DIAPH2: variants seen among roughly 807,000 people sequenced by gnomAD.
The protein encoded by DIAPH2 is protein diaphanous homolog 2.
In DIAPH2, 35 loss-of-function variants were observed where a neutral mutation model predicts 92.7. The observed-to-expected ratio is 0.38, with a 90% CI of 0.29 to 0.50. DIAPH2 has a LOEUF of 0.50. Ranked by LOEUF, DIAPH2 falls within the 20% of genes least tolerant of loss-of-function variation. DIAPH2 has a pLI of 0.94. For synonymous variants in DIAPH2, 301 were observed against 280.4 expected (o/e 1.07, Z -0.73); for missense variants, 701 against 819.5 (o/e 0.86, Z 1.77).
intron 21 of DIAPH2, among the ~76,000 whole-genome samples, chrX:97,135,052 A>G (rs1448429572): frequency 1.8e-5 from 2 of 112,061 alleles, no homozygotes; most frequent in East Asian, 5.6e-4. Flanking sequence ...TAAAATTGAT[A>G]TAGTCCTCAT....
chrX:96,845,036 A>G (rs1279412237), intron 4 of DIAPH2, among the ~76,000 whole-genome samples: 1 of 112,213 alleles, frequency 8.9e-6, no homozygotes, highest in Non-Finnish European at 1.9e-5. Flanking sequence ...GGTCTCACTT[A>G]TCCTGGAGGC....
In DIAPH2 at chrX:96,816,538, A is replaced by G. The variant is rs199912175; in HGVS notation, c.447+58280A>G. Among the ~76,000 whole-genome samples the G allele has an allele frequency of 2.7e-5, 3 of 112,555 alleles. No individual in the cohort carries two copies. The East Asian group carries it at 8.4e-4, about 31-fold the overall frequency. Reference sequence around the variant, plus strand: ...TTACAATGAGGTATCATCTCACCCAAGTTAAAATGGCTTTTGTCTAAAAGA... The same window carrying G: ...TTACAATGAGGTATCATCTCACCCAGGTTAAAATGGCTTTTGTCTAAAAGA... On this transcript the variant is annotated intron_variant, in intron 4 of 26. Transcript: ENST00000324765.
chrX:96,977,098 T>C (rs1329448387), intron 17 of DIAPH2, among the ~76,000 whole-genome samples: 1 of 111,796 alleles, frequency 8.9e-6, no homozygotes, highest in African/African-American at 3.2e-5. Context: ...CTTAGTAATT[T>C]GTGCATTTTG....
chrX:97,216,471 ATT>A (rs759156988), intron 22 of DIAPH2, among the ~76,000 whole-genome samples: 4 of 96,925 alleles, frequency 4.1e-5, no homozygotes. Flanking sequence ...TGCCTGGCTA[ATT>A]TTTTTTTTTT....
chrX:97,228,978 G>A (rs1449852735), intron 22 of DIAPH2, among the ~76,000 whole-genome samples: 1 of 111,485 alleles, frequency 9.0e-6, no homozygotes, highest in Non-Finnish European at 1.9e-5. Context: ...TCTATGTATA[G>A]CTGAGTCCAT....
intron 1 of DIAPH2, among the ~76,000 whole-genome samples, chrX:96,707,079 A>G (rs751978874): frequency 9.1e-6 from 1 of 110,052 alleles, no homozygotes; most frequent in Non-Finnish European, 1.9e-5. Context: ...CAGGCAGATC[A>G]CTTGAGGTCA....
In DIAPH2 at chrX:97,185,360, T is replaced by C. The variant is rs1297436295; in HGVS notation, c.2719+43566T>C. On this transcript the variant is annotated intron_variant, in intron 22 of 26. Coordinates refer to ENST00000324765, the MANE Select transcript of DIAPH2 (RefSeq NM_006729.5). ...ATATATGTATATATATATGTGTGTA[T>C]ATATATATGTATATATATATGTATA... Among the ~76,000 whole-genome samples the C allele has an allele frequency of 2.6e-4, 15 of 56,859 alleles. 1 individual carries two copies. Among genetic ancestry groups the C allele is most frequent in the Non-Finnish European group, 4.2e-4 (15 of 36,064 alleles). The allele number at this position is 56,859 out of a possible 115,157, so 49.4% of individuals were successfully genotyped here. A position where few individuals can be genotyped will look rare whatever the true frequency, so the allele number is the denominator to read the frequency against.
intron 23 of DIAPH2, among the ~76,000 whole-genome samples, chrX:97,347,247 C>T (rs1363529967): frequency 9.3e-6 from 1 of 108,087 alleles, no homozygotes; most frequent in Non-Finnish European, 1.9e-5. Context: ...TGTCACCATG[C>T]CTGGCTAATT....
chrX:97,515,129 TG>T (rs2070933140), intron 26 of DIAPH2, among the ~76,000 whole-genome samples: 1 of 112,352 alleles, frequency 8.9e-6, no homozygotes, highest in South Asian at 3.7e-4. Context: ...CCTTGCAGTT[TG>T]ATCTCAGACT....
chrX:97,380,690 A>G (rs2069543698), intron 24 of DIAPH2, among the ~76,000 whole-genome samples: 1 of 101,770 alleles, frequency 9.8e-6, no homozygotes, highest in Admixed American at 1.0e-4. Context: ...CTAAGCATGC[A>G]TTTTCTATCC....
intron 26 of DIAPH2, among the ~76,000 whole-genome samples, chrX:97,471,229 GGTT>G (rs1047235031): frequency 9.0e-6 from 1 of 110,890 alleles, no homozygotes; most frequent in Non-Finnish European, 1.9e-5. Context: ...TAGCAGAGTT[GGTT>G]GTTAAGTCAC....
chrX:96,995,306 T>C (rs2066097565), intron 17 of DIAPH2, among the ~76,000 whole-genome samples: 1 of 111,889 alleles, frequency 8.9e-6, no homozygotes, highest in African/African-American at 3.2e-5. Flanking sequence ...TTTAGGACCA[T>C]TGGAGGTATC....
chrX:97,532,147 C>T (rs1483523084), intron 26 of DIAPH2, among the ~76,000 whole-genome samples: 1 of 112,528 alleles, frequency 8.9e-6, no homozygotes, highest in Non-Finnish European at 1.9e-5. Flanking sequence ...TGATATTTTA[C>T]GACTATTTGG....
intron 22 of DIAPH2, among the ~76,000 whole-genome samples, chrX:97,191,915 A>G (rs1022358479): frequency 9.0e-6 from 1 of 111,135 alleles, no homozygotes; most frequent in African/African-American, 3.3e-5. Flanking sequence ...GAACATTAGC[A>G]TGTTCATGAA....
chrX:97,219,374 G>A (rs1054840641), intron 22 of DIAPH2, among the ~76,000 whole-genome samples: 9 of 111,652 alleles, frequency 8.1e-5, no homozygotes, highest in African/African-American at 2.9e-4. Flanking sequence ...GGGATAATAT[G>A]GGCAAATTAA....
chrX:96,982,824 G>GT (rs1427482581), intron 17 of DIAPH2, among the ~76,000 whole-genome samples: 1 of 112,216 alleles, frequency 8.9e-6, no homozygotes, highest in South Asian at 3.7e-4. Context: ...GTAATATAGT[G>GT]TATAGACATT....
At chrX:96,773,236 T>TCC (rs201670201) in intron 4 of DIAPH2, among the ~76,000 whole-genome samples, 5,082 of 91,171 alleles carry the variant, frequency 0.056, 241 homozygotes, top group East Asian at 0.18. Flanking sequence ...GCTGAATTGT[T>TCC]TCCCCCCCCC....
rs918234330 is a variant in DIAPH2, at chrX:97,289,570, T to C, written c.2844+41731T>C. Among the ~76,000 whole-genome samples, 8 of 111,468 alleles carry C rather than the reference T, an allele frequency of 7.2e-5. No homozygotes were observed. The East Asian group carries it at 2.3e-3, about 31-fold the overall frequency. Reference sequence around the variant, plus strand: ...AATCATCTGGGGAACTTTTAAAAAATACTGATGCCTGGACACCATCCCAGA... The same window carrying C: ...AATCATCTGGGGAACTTTTAAAAAACACTGATGCCTGGACACCATCCCAGA... On this transcript the variant is annotated intron_variant, in intron 23 of 26. Transcript: ENST00000324765.
At chrX:96,992,151 A>G (rs1189038310) in intron 17 of DIAPH2, among the ~76,000 whole-genome samples, 1 of 111,092 alleles carries the variant, frequency 9.0e-6, no homozygotes, top group African/African-American at 3.3e-5. Flanking sequence ...AGTATAGGGG[A>G]ATATCCTTGA....
Sources: allele counts gnomAD v4.1 joint callset (sites outside exome capture counted in the v4.1 genomes callset), GRCh38; gene constraint gnomAD v4.1.1; transcripts MANE v1.5; gene names NCBI Gene and HGNC (gene_info 2026-07-23, HGNC 2026-07-21).